The following RBFOX1 variants were observed in gnomAD, a reference collection of about 807,000 sequenced individuals.
RBFOX1 encodes RNA binding fox-1 homolog 1.
In RBFOX1, 8 loss-of-function variants were observed where a neutral mutation model predicts 57.7. The observed-to-expected ratio is 0.14, with a 90% CI of 0.08 to 0.25. RBFOX1 has a LOEUF of 0.25. RBFOX1 is among the 10% of genes least tolerant of loss of function. RBFOX1 has a pLI of 1.00. For missense variants in RBFOX1, 611 were observed against 548.5 expected (o/e 1.11, Z -1.14); for synonymous variants, 326 against 222.4 (o/e 1.47, Z -4.15).
At chr16:6,129,089 C>T (rs886905593) in intron 1 of RBFOX1, among the ~76,000 whole-genome samples, 3 of 129,330 alleles carry the variant, frequency 2.3e-5, no homozygotes, top group African/African-American at 7.8e-5. Context: ...TTCTATAATG[C>T]ATTATGCATC....
intron 2 of RBFOX1, among the ~76,000 whole-genome samples, chr16:6,592,992 C>T (rs1024177626): frequency 9.9e-5 from 15 of 152,018 alleles, no homozygotes; most frequent in East Asian, 1.9e-4. Flanking sequence ...CAGGAGTTCA[C>T]GACTAGCCCG....
intron 1 of RBFOX1, among the ~76,000 whole-genome samples, chr16:5,464,688 A>G (rs966112148): frequency 4.6e-5 from 7 of 152,204 alleles, no homozygotes; most frequent in African/African-American, 1.4e-4. Flanking sequence ...CATTCAGCCC[A>G]GCTGTGGAGG....
At chr16:5,515,196 G>A (rs1197937571) in intron 2 of RBFOX1, among the ~76,000 whole-genome samples, 1 of 152,254 alleles carries the variant, frequency 6.6e-6, no homozygotes, top group Non-Finnish European at 1.5e-5. Flanking sequence ...GTTATTTCGA[G>A]AGGACAAACA....
chr16:7,051,939 A>G (rs2050225808), intron 3 of RBFOX1, 118 bp from the exon 4 acceptor site: 2 of 1,424,950 alleles, frequency 1.4e-6, no homozygotes, highest in Non-Finnish European at 1.9e-6. Flanking sequence ...TAAATACATA[A>G]TTAATTAATT....
intron 3 of RBFOX1, among the ~76,000 whole-genome samples, chr16:5,741,859 C>T (rs969751472): frequency 6.6e-6 from 1 of 152,110 alleles, no homozygotes; most frequent in African/African-American, 2.4e-5. Context: ...ACACTTAATG[C>T]CTACCTTAAT....
At chr16:5,825,043 G>T (rs1304429005) in intron 3 of RBFOX1, among the ~76,000 whole-genome samples, 1 of 152,142 alleles carries the variant, frequency 6.6e-6, no homozygotes, top group Non-Finnish European at 1.5e-5. Context: ...CCAATCCATG[G>T]CCTGGAGAGT....
At chr16:5,775,454 G>C (rs1173989182) in intron 3 of RBFOX1, among the ~76,000 whole-genome samples, 2 of 152,210 alleles carry the variant, frequency 1.3e-5, no homozygotes, top group East Asian at 3.9e-4. Context: ...GCAGGGGAAA[G>C]TAACACGGTG....
chr16:5,847,218 T>G (rs2056778986), intron 3 of RBFOX1, among the ~76,000 whole-genome samples: 1 of 152,090 alleles, frequency 6.6e-6, no homozygotes, highest in Admixed American at 6.5e-5. Flanking sequence ...CATGAGCATT[T>G]TGGAGAAGAC....
chr16:6,327,570 ATTATAT>A (rs2082522882), intron 2 of RBFOX1, among the ~76,000 whole-genome samples: 1 of 152,108 alleles, frequency 6.6e-6, no homozygotes, highest in African/African-American at 2.4e-5. Context: ...GAGGACTCAG[ATTATAT>A]TTAAGAGGAA....
chr16:6,770,967 A>T (rs927133272), intron 3 of RBFOX1, among the ~76,000 whole-genome samples: 1 of 152,146 alleles, frequency 6.6e-6, no homozygotes, highest in Non-Finnish European at 1.5e-5. Context: ...CCCGATTCAA[A>T]TGCTCAAATT....
intron 1 of RBFOX1, among the ~76,000 whole-genome samples, chr16:5,355,959 C>G (rs1567378891): frequency 6.6e-6 from 1 of 152,138 alleles, no homozygotes; most frequent in Non-Finnish European, 1.5e-5. Flanking sequence ...GGCATGGTGG[C>G]CCGTGCCTGT....
At chr16:5,710,473 G>C (rs2051444736) in intron 3 of RBFOX1, among the ~76,000 whole-genome samples, 1 of 152,180 alleles carries the variant, frequency 6.6e-6, no homozygotes, top group Non-Finnish European at 1.5e-5. Flanking sequence ...CTGCTGCTAT[G>C]CTAACACAAG....
chr16:6,908,016 G>C (rs567922783), intron 3 of RBFOX1, among the ~76,000 whole-genome samples: 1 of 151,658 alleles, frequency 6.6e-6, no homozygotes, highest in African/African-American at 2.4e-5. Flanking sequence ...TGAGGACATG[G>C]TCATATTGGA....
intron 4 of RBFOX1, among the ~76,000 whole-genome samples, chr16:7,148,292 G>A (rs2075428416): frequency 6.6e-6 from 1 of 152,138 alleles, no homozygotes; most frequent in African/African-American, 2.4e-5. Context: ...TATTTACAAA[G>A]GAGTTTTCCT....
chr16:5,916,388 T>C (rs982295577), intron 4 of RBFOX1, among the ~76,000 whole-genome samples: 3 of 152,164 alleles, frequency 2.0e-5, no homozygotes, highest in African/African-American at 7.2e-5. Flanking sequence ...CCCTCTCTTA[T>C]TTCTTTCTTT....
chr16:7,136,805 C>A (rs888488238), intron 4 of RBFOX1, among the ~76,000 whole-genome samples: 3 of 152,172 alleles, frequency 2.0e-5, no homozygotes, highest in African/African-American at 7.2e-5. Context: ...ATTCTAAATT[C>A]TGATATGGCA....
At chr16:7,022,295 C>A (rs1280221890) in intron 3 of RBFOX1, among the ~76,000 whole-genome samples, 2 of 151,312 alleles carry the variant, frequency 1.3e-5, no homozygotes, top group African/African-American at 4.9e-5. Flanking sequence ...TTAAGTGATC[C>A]ACCCACCTCA....
At chr16:7,361,303 C>T (rs2097315152) in intron 4 of RBFOX1, among the ~76,000 whole-genome samples, 2 of 152,222 alleles carry the variant, frequency 1.3e-5, no homozygotes, top group Non-Finnish European at 2.9e-5. Flanking sequence ...AGCAGTGCAG[C>T]TTCTAGGTGG....
intron 4 of RBFOX1, among the ~76,000 whole-genome samples, chr16:7,105,509 C>G (rs960413755): frequency 6.6e-6 from 1 of 151,994 alleles, no homozygotes; most frequent in East Asian, 1.9e-4. Flanking sequence ...TCCACAAAGT[C>G]CATTGTGTCA....
Sources: allele counts gnomAD v4.1 joint callset (sites outside exome capture counted in the v4.1 genomes callset), GRCh38; gene constraint gnomAD v4.1.1; transcripts MANE v1.5; gene names NCBI Gene and HGNC (gene_info 2026-07-23, HGNC 2026-07-21).